Variants in TOX observed in about 807,000 individuals in gnomAD.
TOX encodes the protein thymocyte selection-associated high mobility group box protein TOX.
TOX carries 11 observed loss-of-function variants against 53.7 expected under a neutral mutation model. The observed-to-expected ratio is 0.20, with a 90% CI of 0.13 to 0.34. TOX has a LOEUF of 0.34. TOX is among the 10% of genes least tolerant of loss of function. The pLI, the probability that TOX is intolerant of heterozygous loss-of-function variation, is 1.00. For synonymous variants in TOX, 225 were observed against 245.3 expected (o/e 0.92, Z 0.77); for missense variants, 570 against 664.6 (o/e 0.86, Z 1.56).
At chr8:58,977,973 G>A (rs1046557635) in intron 1 of TOX, among the ~76,000 whole-genome samples, 1 of 152,120 alleles carries the variant, frequency 6.6e-6, no homozygotes, top group East Asian at 1.9e-4. Context: ...AGAAAATGGC[G>A]CTAAAAGACT....
intron 1 of TOX, among the ~76,000 whole-genome samples, chr8:58,965,894 G>GCTTTTTTTTT (rs1374766431): frequency 2.0e-5 from 1 of 49,616 alleles, no homozygotes; most frequent in African/African-American, 7.7e-5. Context: ...ACGAGTCATC[G>GCTTTTTTTTT]TTTTTTTTTT....
chr8:59,090,574 T>G (rs1016491828), intron 1 of TOX, among the ~76,000 whole-genome samples: 1 of 152,180 alleles, frequency 6.6e-6, no homozygotes, highest in Non-Finnish European at 1.5e-5. Flanking sequence ...AAGAGTTTGA[T>G]GTAACTTTCT....
chr8:58,978,879 T>C (rs531862282), intron 1 of TOX, among the ~76,000 whole-genome samples: 1 of 152,358 alleles, frequency 6.6e-6, no homozygotes, highest in South Asian at 2.1e-4. Flanking sequence ...TGGTTTTTAA[T>C]TTTTTAAAGT....
chr8:58,851,809 C>CAATAAATAAATA lies in TOX; in HGVS notation c.412-16_412-5dup, dbSNP rs3837195. The CAATAAATAAATA allele has an allele frequency of 7.5e-6, 9 of 1,207,058 alleles. No homozygotes were observed. The South Asian group carries it at 8.3e-5, about 11-fold the overall frequency. The allele number at this position is 1,207,058 out of a possible 1,614,324, so 74.8% of individuals were successfully genotyped here. On this transcript the variant is annotated splice_polypyrimidine_tract_variant and splice_region_variant and intron_variant, in intron 3 of 8. Coordinates refer to ENST00000361421, the MANE Select transcript of TOX (RefSeq NM_014729.3). The surrounding 1 kb of genome is among the most constrained non-coding windows in gnomAD (Gnocchi z 4.4). ...CTGGGTTTCGTATATCTGGCATCTACAATAAATAAATAAATAAATAAATAA... is the reference window on the plus strand; with the variant it reads ...CTGGGTTTCGTATATCTGGCATCTACAATAAATAAATAAATAAATAAATAAATAAATAAATAA...
intron 1 of TOX, among the ~76,000 whole-genome samples, chr8:58,965,021 A>G (rs1189940287): frequency 6.6e-6 from 1 of 152,194 alleles, no homozygotes; most frequent in Non-Finnish European, 1.5e-5. Context: ...TATTAAATAT[A>G]ACTAACTGCA....
At position 58,976,102 on chromosome 8, in the gene TOX, TACTG is replaced by T. The variant is rs370056079; in HGVS notation, c.103-16098_103-16095del. On this transcript the variant is annotated intron_variant, in intron 1 of 8. Transcript: ENST00000361421. Reference sequence around the variant, plus strand: ...AAAAAAAAATGAAGTTTGCCACATCTACTGACTCTTTCTTCCATGAAAGATTTCT... The same window carrying T: ...AAAAAAAAATGAAGTTTGCCACATCTACTCTTTCTTCCATGAAAGATTTCT... 3.3e-4 allele frequency among the ~76,000 whole-genome samples: 50 copies of T among 152,086 alleles called. 1 individual carries two copies. In the East Asian group the frequency reaches 9.3e-3, roughly 28 times the overall value.
chr8:58,964,743 C>G (rs1176609104), intron 1 of TOX, among the ~76,000 whole-genome samples: 2 of 152,086 alleles, frequency 1.3e-5, no homozygotes, highest in African/African-American at 4.8e-5. Flanking sequence ...GAAGAGTTTT[C>G]CACTATGACA....
At chr8:59,027,369 G>C (rs1415265595) in intron 1 of TOX, among the ~76,000 whole-genome samples, 2 of 151,948 alleles carry the variant, frequency 1.3e-5, no homozygotes, top group East Asian at 1.9e-4. Context: ...TGATCTTCGA[G>C]ATTTGCAGAC....
At chr8:58,820,056 A>G (rs567015384) in intron 6 of TOX, among the ~76,000 whole-genome samples, 1 of 152,222 alleles carries the variant, frequency 6.6e-6, no homozygotes, top group Non-Finnish European at 1.5e-5. Flanking sequence ...TTACGTTAAC[A>G]GTCATACAAT....
At chr8:58,985,848 G>A (rs1813318955) in intron 1 of TOX, among the ~76,000 whole-genome samples, 1 of 151,936 alleles carries the variant, frequency 6.6e-6, no homozygotes, top group African/African-American at 2.4e-5. Flanking sequence ...CTACACTTTG[G>A]GCTTTTCCAG....
chr8:58,915,812 TAGA>T (rs1251333972), intron 3 of TOX, among the ~76,000 whole-genome samples: 5 of 149,002 alleles, frequency 3.4e-5, no homozygotes, highest in African/African-American at 1.2e-4. Flanking sequence ...GAAAAAAATT[TAGA>T]AGAATGTATA....
intron 1 of TOX, among the ~76,000 whole-genome samples, chr8:58,978,682 C>A (rs903896922): frequency 1.3e-5 from 2 of 152,190 alleles, no homozygotes; most frequent in African/African-American, 4.8e-5. Context: ...CTACCTCCCC[C>A]ACTATAAACA....
At chr8:58,976,795 C>T (rs1813109047) in intron 1 of TOX, among the ~76,000 whole-genome samples, 1 of 152,182 alleles carries the variant, frequency 6.6e-6, no homozygotes, top group East Asian at 1.9e-4. Context: ...TCCACCAGAG[C>T]CTTTGGGTGA....
At chr8:58,929,446 G>A (rs1812222845) in intron 3 of TOX, among the ~76,000 whole-genome samples, 3 of 151,918 alleles carry the variant, frequency 2.0e-5, no homozygotes, top group Admixed American at 6.6e-5. Flanking sequence ...TGTAGGTAAT[G>A]CTTGTCCACG....
intron 1 of TOX, among the ~76,000 whole-genome samples, chr8:58,973,177 T>A (rs960391611): frequency 5.9e-5 from 9 of 152,212 alleles, no homozygotes; most frequent in African/African-American, 2.2e-4. Flanking sequence ...CCATTCTACA[T>A]AATGCAGGCA....
chr8:58,965,902 T>TG (rs1563403253), intron 1 of TOX, among the ~76,000 whole-genome samples: 1 of 143,768 alleles, frequency 7.0e-6, no homozygotes, highest in Non-Finnish European at 1.5e-5. Flanking sequence ...TCGTTTTTTT[T>TG]TTTTTTTTTT....
At chr8:58,902,813 C>G (rs7010911) in intron 3 of TOX, among the ~76,000 whole-genome samples, 2,501 of 152,240 alleles carry the variant, frequency 0.016, 81 homozygotes, top group African/African-American at 0.056. Context: ...GCTGAATATC[C>G]TTTGTGAGCG....
Position 59,030,723 on chromosome 8 carries a change from T to C in TOX, c.103-70715A>G, listed in dbSNP as rs76225659. Among the ~76,000 whole-genome samples the C allele has an allele frequency of 3.4e-3, 519 of 152,282 alleles. 20 individuals are homozygous for C. The East Asian group carries it at 0.068, about 20-fold the overall frequency. On this transcript the variant is annotated intron_variant, in intron 1 of 8. Transcript: ENST00000361421. ...AGCATTCAACATGTTCCAACGGTAA[T>C]AAAACATGATTGATAACAGACTGCT... is the stretch of plus-strand genomic sequence containing the variant.
At chr8:58,918,924 G>A (rs918401796) in intron 3 of TOX, among the ~76,000 whole-genome samples, 1 of 151,902 alleles carries the variant, frequency 6.6e-6, no homozygotes, top group Non-Finnish European at 1.5e-5. Context: ...GGCAAACAGA[G>A]AGCCAAATCA....
Sources: gnomAD v4.1 joint callset for allele counts (sites outside exome capture counted in the v4.1 genomes callset) on GRCh38, gnomAD v4.1.1 for gene constraint, Gnocchi (gnomAD v3.1) non-coding constraint, MANE v1.5 for transcripts, NCBI Gene and HGNC (gene_info 2026-07-23, HGNC 2026-07-21) for gene names.